ST6GALNAC6: variants seen among roughly 807,000 people sequenced by gnomAD.
ST6GALNAC6 encodes the protein alpha-N-acetylgalactosaminide alpha-2,6-sialyltransferase 6.
A neutral mutation model predicts 34.3 loss-of-function variants in ST6GALNAC6; 19 were observed. The observed-to-expected ratio is 0.55, with a 90% confidence interval of 0.39 to 0.81. The LOEUF is 0.81. Ranked by LOEUF, ST6GALNAC6 falls within the 40% of genes least tolerant of loss-of-function variation. The pLI is 0.00. For missense variants in ST6GALNAC6, 377 were observed against 467.7 expected (o/e 0.81, Z 1.79); for synonymous variants, 185 against 182.1 (o/e 1.02, Z -0.13).
Position 127,894,521 on chromosome 9 carries a change from G to T in ST6GALNAC6, c.288C>A (p.Leu96=). The change falls in exon 4 of 7, where the codon CTC becomes CTA. Residue 96 remains leucine (L), a synonymous_variant. Transcript: ENST00000373146. ...AAAGCAGCTGCGCTACCTTGTTGCC[G>T]AGAATGGGGACATAGCCGTCAGTGA... is the stretch of plus-strand genomic sequence containing the variant. The part of the protein sequence containing the change: ...WSITDGYVPI[L]GNKTLPSRCH... The T allele has an allele frequency of 1.9e-6, 3 of 1,613,896 alleles. No individual in the cohort carries two copies. The South Asian group carries it at 3.3e-5, about 18-fold the overall frequency.
At chr9:127,897,496 C>T in intron 2 of ST6GALNAC6, 1 of 953,158 alleles carries the variant, frequency 1.0e-6, no homozygotes, top group Non-Finnish European at 1.3e-6. Flanking sequence ...CAACCCCGCC[C>T]CCTCCCCGTG....
chr9:127,889,440 T>C (rs1830001968), intron 5 of ST6GALNAC6, among the ~76,000 whole-genome samples: 1 of 27,544 alleles, frequency 3.6e-5, no homozygotes, highest in Admixed American at 6.8e-4. Flanking sequence ...TTTCTCTTTT[T>C]TTTCTTTTTT....
At chr9:127,896,447 C>T in intron 2 of ST6GALNAC6, 115 bp from the exon 3 acceptor site, 1 of 875,572 alleles carries the variant, frequency 1.1e-6, no homozygotes, top group Non-Finnish European at 1.8e-6. Flanking sequence ...CTTTAAGGCT[C>T]AGGACTGTAT....
chr9:127,897,763 T>C, intron 2 of ST6GALNAC6, 193 bp downstream of exon 2: 1 of 1,385,360 alleles, frequency 7.2e-7, no homozygotes, highest in Non-Finnish European at 9.6e-7. Context: ...CAGCCGCCTA[T>C]ATCTTACTAC....
At chr9:127,897,832 C>T in intron 2 of ST6GALNAC6, 124 bp downstream of exon 2, 1 of 1,571,730 alleles carries the variant, frequency 6.4e-7, no homozygotes, top group Non-Finnish European at 8.6e-7. Context: ...CCACCTTTGC[C>T]CGAGCTGTGC....
intron 4 of ST6GALNAC6, among the ~76,000 whole-genome samples, chr9:127,893,370 G>A (rs1206205203): frequency 6.6e-6 from 1 of 152,142 alleles, no homozygotes; most frequent in East Asian, 1.9e-4. Flanking sequence ...GAACCACCTT[G>A]TTATTAAGGA....
At chr9:127,891,762 G>T (rs1436624362) in intron 4 of ST6GALNAC6, among the ~76,000 whole-genome samples, 1 of 127,190 alleles carries the variant, frequency 7.9e-6, no homozygotes, top group Non-Finnish European at 1.7e-5. Flanking sequence ...AAGACAGGGG[G>T]AGGGGACAGA....
chr9:127,891,777 G>T (rs1212641185), intron 4 of ST6GALNAC6, among the ~76,000 whole-genome samples: 1 of 135,100 alleles, frequency 7.4e-6, no homozygotes, highest in Non-Finnish European at 1.6e-5. Flanking sequence ...GACAGAGAGG[G>T]GGGAGAGGGA....
In ST6GALNAC6 at chr9:127,890,442, C is replaced by T. The variant is rs1830064334; in HGVS notation, c.704+195G>A. Among the ~76,000 whole-genome samples, 1 of 152,150 alleles carries T rather than the reference C, an allele frequency of 6.6e-6. No homozygotes were observed. The highest frequency in any genetic ancestry group is 2.1e-4 in the South Asian group (1 of 4,832). ...GAAAGCCCTCTTGGACAAACCAGGC[C>T]ATGCAGAGCATGCTGGAAAGGACCC... On this transcript the variant is annotated intron_variant, in intron 5 of 6. Transcript: ENST00000373146. This position sits in a 1 kb window ranked among gnomAD's most constrained non-coding sequence, Gnocchi z 4.3.
At chr9:127,900,078 C>A (rs1830695526), upstream of ST6GALNAC6, among the ~76,000 whole-genome samples, 1 of 152,246 alleles carries the variant, frequency 6.6e-6, no homozygotes, top group Non-Finnish European at 1.5e-5. Context: ...TTCTCCCTGC[C>A]TCTGGAAAAT....
In ST6GALNAC6 at chr9:127,894,560, G is replaced by A; in HGVS notation, c.249C>T (p.Leu83=). The change falls in exon 4 of 7, where the codon CTC becomes CTT. Residue 83 remains leucine, a synonymous_variant. Transcript: ENST00000373146. ...AGCCGTCAGTGATGCTCCACTTCTTGAGGTTGACAGGTCGGCGGCTACGGC... is the reference window on the plus strand; with the variant it reads ...AGCCGTCAGTGATGCTCCACTTCTTAAGGTTGACAGGTCGGCGGCTACGGC... ...LRGRSRRPVN[L]KKWSITDGYV... The A allele has an allele frequency of 1.2e-6, 2 of 1,614,166 alleles. No individual in the cohort carries two copies. Among genetic ancestry groups the A allele is most frequent in the Non-Finnish European group, 1.7e-6 (2 of 1,180,032 alleles).
rs1398074982 is a variant in ST6GALNAC6, at chr9:127,890,921, G to A, written c.420C>T (p.Thr140=). The A allele has an allele frequency of 6.2e-7, 1 of 1,614,184 alleles. No homozygotes were observed. Among genetic ancestry groups the A allele is most frequent in the East Asian group, 2.2e-5 (1 of 44,880 alleles). The change falls in exon 5 of 7, where the codon ACC becomes ACT. Residue 140 remains threonine, a synonymous_variant. Coordinates refer to ENST00000373146, the MANE Select transcript of ST6GALNAC6 (RefSeq NM_013443.5). This position sits in a 1 kb window ranked among gnomAD's most constrained non-coding sequence, Gnocchi z 4.3. ...TGCCCACATCAGCTGAGTAGCCAGTGGTGGGTGCATCATTCATGCGGATTG... is the reference window on the plus strand; with the variant it reads ...TGCCCACATCAGCTGAGTAGCCAGTAGTGGGTGCATCATTCATGCGGATTG... ...ECTIRMNDAP[T]TGYSADVGNK... is the part of the protein sequence containing the mutation.
chr9:127,902,545 A>G (rs1439194984), upstream of ST6GALNAC6, among the ~76,000 whole-genome samples: 3 of 151,142 alleles, frequency 2.0e-5, no homozygotes, highest in East Asian at 3.9e-4. Context: ...ATTTTTCCAA[A>G]AATTTTAAGA....
rs890276571 is a variant in ST6GALNAC6 at position 127,890,520 on chromosome 9, C to T, written c.704+117G>A. Reference sequence around the variant, plus strand: ...TCTCCTAGGAGGCCCAACCAGAGGACGGCGGGACTTGACTACCCCTCAGAG... The same window carrying T: ...TCTCCTAGGAGGCCCAACCAGAGGATGGCGGGACTTGACTACCCCTCAGAG... On this transcript the variant is annotated intron_variant, in intron 5 of 6. Coordinates refer to ENST00000373146, the MANE Select transcript of ST6GALNAC6 (RefSeq NM_013443.5). The surrounding 1 kb of genome is among the most constrained non-coding windows in gnomAD (Gnocchi z 4.3). 8 of 1,444,610 alleles carry T rather than the reference C, an allele frequency of 5.5e-6. No individual in the cohort carries two copies. In the African/African-American group the frequency reaches 9.9e-5, roughly 18 times the overall value. 89.5% of individuals were successfully genotyped at this position (1,444,610 alleles called of 1,614,324 possible).
At chr9:127,894,821 G>T in intron 3 of ST6GALNAC6, 130 bp from the exon 4 acceptor site, 1 of 979,736 alleles carries the variant, frequency 1.0e-6, no homozygotes, top group Non-Finnish European at 1.5e-6. Context: ...ACTTCCTCCA[G>T]GAAGGCCTCC....
At chr9:127,888,643 C>T (rs1829942316) in intron 5 of ST6GALNAC6, among the ~76,000 whole-genome samples, 1 of 151,544 alleles carries the variant, frequency 6.6e-6, no homozygotes, top group Non-Finnish European at 1.5e-5. Context: ...CCCCTCTCTA[C>T]TAAAAATACA....
In ST6GALNAC6 at chr9:127,897,941, G is replaced by T. The variant is rs935528593; in HGVS notation, c.26+15C>A. ...CATGTCAGCTGCCAGTGCGAATCCC[G>T]GTTTCACCACTTACTGGCTGGGGGG... On this transcript the variant is annotated intron_variant, in intron 2 of 6. Coordinates refer to ENST00000373146, the MANE Select transcript of ST6GALNAC6 (RefSeq NM_013443.5). 2.5e-6 allele frequency: 4 copies of T among 1,612,968 alleles called. No homozygotes were observed. The East Asian group carries it at 8.9e-5, about 36-fold the overall frequency.
chr9:127,896,232 G>T lies in ST6GALNAC6; in HGVS notation c.117+10C>A. The T allele has an allele frequency of 6.2e-7, 1 of 1,614,004 alleles. No individual in the cohort carries two copies. ...GGCTCAATGGGGTTAAGAAATGAAGGCAGACTTACTTTGTTGCTACTCATT... is the reference window on the plus strand; with the variant it reads ...GGCTCAATGGGGTTAAGAAATGAAGTCAGACTTACTTTGTTGCTACTCATT... On this transcript the variant is annotated intron_variant, in intron 3 of 6. Transcript: ENST00000373146.
chr9:127,893,187 TG>T (rs144486443), intron 4 of ST6GALNAC6, among the ~76,000 whole-genome samples: 3,755 of 152,138 alleles, frequency 0.025, 166 homozygotes, highest in African/African-American at 0.086. Flanking sequence ...AAGGCTCCAA[TG>T]TGGAAATAAA....
Sources: gnomAD v4.1 joint callset for allele counts (sites outside exome capture counted in the v4.1 genomes callset) on GRCh38, gnomAD v4.1.1 for gene constraint, Gnocchi (gnomAD v3.1) non-coding constraint, MANE v1.5 for transcripts, NCBI Gene and HGNC (gene_info 2026-07-23, HGNC 2026-07-21) for gene names.